The following ERBB4 variants were observed in gnomAD, a reference collection of about 807,000 sequenced individuals.
ERBB4 encodes the protein receptor tyrosine-protein kinase erbB-4.
Under a neutral mutation model 158.0 loss-of-function variants are expected in ERBB4, and 42 were observed. The observed-to-expected ratio is 0.27, with a 90% confidence interval of 0.21 to 0.34. The LOEUF is 0.34. ERBB4 is among the 10% of genes least tolerant of loss of function. The pLI is 1.00. For missense variants in ERBB4, 1,333 were observed against 1,624.1 expected, an observed-to-expected ratio of 0.82 and a Z score of 3.08; for synonymous variants, 583 against 558.7, an observed-to-expected ratio of 1.04 and a Z score of -0.61.
At chr2:212,096,866 C>T (rs2125506078) in intron 2 of ERBB4, among the ~76,000 whole-genome samples, 1 of 152,188 alleles carries the variant, frequency 6.6e-6, no homozygotes, top group Admixed American at 6.5e-5. Context: ...TATTCAAAAG[C>T]AATGTACCCT....
chr2:211,412,630 A>G lies in ERBB4; in HGVS notation c.3135+7811T>C, dbSNP rs1364487965. On this transcript the variant is annotated intron_variant, in intron 25 of 27. Transcript: ENST00000342788. ...ACCTAGCCTATGATAAACATTCAAT[A>G]TATTAATTCATTTACTCTTTCATTA... Among the ~76,000 whole-genome samples the G allele has an allele frequency of 2.6e-5, 4 of 152,242 alleles. No homozygotes were observed. The East Asian group carries it at 7.7e-4, about 29-fold the overall frequency.
chr2:211,577,501 A>G (rs1342483943), intron 19 of ERBB4, among the ~76,000 whole-genome samples: 1 of 152,136 alleles, frequency 6.6e-6, no homozygotes, highest in African/African-American at 2.4e-5. Flanking sequence ...TGGCAGAGAT[A>G]CAACAAAAAA....
chr2:212,170,623 G>A (rs1193090489), intron 1 of ERBB4, among the ~76,000 whole-genome samples: 8 of 152,142 alleles, frequency 5.3e-5, no homozygotes, highest in African/African-American at 1.7e-4. Flanking sequence ...TGCAGTTTTG[G>A]GACTTGGGTG....
chr2:212,465,128 T>C (rs1463405076), intron 1 of ERBB4, among the ~76,000 whole-genome samples: 2 of 152,128 alleles, frequency 1.3e-5, no homozygotes, highest in African/African-American at 4.8e-5. Context: ...GGCTAGGAAA[T>C]AAGATACCTT....
intron 12 of ERBB4, among the ~76,000 whole-genome samples, chr2:211,691,212 T>C (rs2072801926): frequency 6.6e-6 from 1 of 152,208 alleles, no homozygotes; most frequent in African/African-American, 2.4e-5. Context: ...ACTCTGTAAT[T>C]ACCCAGGTAG....
chr2:212,127,452 C>T (rs1394455997), intron 1 of ERBB4, among the ~76,000 whole-genome samples: 3 of 152,042 alleles, frequency 2.0e-5, no homozygotes, highest in East Asian at 1.9e-4. Flanking sequence ...ATTAGCCGGG[C>T]CTGGTGGCGG....
chr2:211,792,989 A>C (rs2076308935), intron 3 of ERBB4, among the ~76,000 whole-genome samples: 1 of 152,032 alleles, frequency 6.6e-6, no homozygotes, highest in South Asian at 2.1e-4. Context: ...ACTGAATAAT[A>C]GCTTTTTTTC....
chr2:212,011,283 G>A (rs879861554), intron 2 of ERBB4, among the ~76,000 whole-genome samples: 17 of 152,050 alleles, frequency 1.1e-4, no homozygotes, highest in South Asian at 4.2e-4. Flanking sequence ...TGGTCCCTCC[G>A]TTTGGGGGTC....
chr2:212,390,434 C>T (rs1157223022), intron 1 of ERBB4, among the ~76,000 whole-genome samples: 1 of 151,630 alleles, frequency 6.6e-6, no homozygotes, highest in African/African-American at 2.4e-5. Context: ...GGAATTTACA[C>T]ACATTAAAAA....
intron 1 of ERBB4, among the ~76,000 whole-genome samples, chr2:212,382,430 T>C (rs2090535834): frequency 6.6e-6 from 1 of 151,006 alleles, no homozygotes; most frequent in Admixed American, 6.6e-5. Context: ...AAAACAACTT[T>C]ATAATATGAC....
At chr2:211,861,016 TTATATATATATA>T (rs2078004733) in intron 3 of ERBB4, among the ~76,000 whole-genome samples, 1 of 13,780 alleles carries the variant, frequency 7.3e-5, no homozygotes, top group Non-Finnish European at 1.2e-4. Context: ...ATTTATATAT[TTATATATATATA>T]AATATAATAT....
intron 20 of ERBB4, among the ~76,000 whole-genome samples, chr2:211,484,819 G>A (rs1306397271): frequency 6.6e-6 from 1 of 152,162 alleles, no homozygotes; most frequent in Non-Finnish European, 1.5e-5. Context: ...AACCAGCACA[G>A]ATAAAGAACA....
chr2:211,392,543 A>G (rs1403193479), intron 25 of ERBB4, among the ~76,000 whole-genome samples: 9 of 146,698 alleles, frequency 6.1e-5, no homozygotes, highest in Non-Finnish European at 1.5e-5. Context: ...ACTTTTTTGA[A>G]AAAACTCTCT....
At chr2:211,486,155 T>G (rs1239143992) in intron 20 of ERBB4, among the ~76,000 whole-genome samples, 1 of 152,158 alleles carries the variant, frequency 6.6e-6, no homozygotes, top group African/African-American at 2.4e-5. Context: ...TACATCATCC[T>G]TCTTGGAACT....
chr2:212,336,914 G>T (rs1365532641), intron 1 of ERBB4, among the ~76,000 whole-genome samples: 1 of 152,108 alleles, frequency 6.6e-6, no homozygotes, highest in East Asian at 1.9e-4. Context: ...TAGTTCTGAG[G>T]TAGGTCCTGC....
chr2:212,234,398 T>A (rs1193696398), intron 1 of ERBB4, among the ~76,000 whole-genome samples: 1 of 152,186 alleles, frequency 6.6e-6, no homozygotes, highest in African/African-American at 2.4e-5. Flanking sequence ...GGCATTTGGG[T>A]TGGTTTCATG....
At chr2:211,655,768 C>T (rs1353667962) in intron 16 of ERBB4, among the ~76,000 whole-genome samples, 3 of 152,292 alleles carry the variant, frequency 2.0e-5, no homozygotes, top group South Asian at 4.1e-4. Flanking sequence ...AGGCCTTCGG[C>T]ACTCTCTCCC....
At position 212,024,009 on chromosome 2, in the gene ERBB4, C is replaced by G. The variant is rs529024134; in HGVS notation, c.235-76393G>C. On this transcript the variant is annotated intron_variant, in intron 2 of 27. Transcript: ENST00000342788. The stretch of plus-strand genomic sequence containing the variant: ...CTCACTCCCTTTAGAGTATAATGAG[C>G]TTCATTTGTCTTTTGTCCCCAAAAT... Among the ~76,000 whole-genome samples, 293 of 151,490 alleles carry G rather than the reference C, an allele frequency of 1.9e-3. 3 individuals carry two copies. Among genetic ancestry groups the G allele is most frequent in the Non-Finnish European group, 3.7e-3 (253 of 67,786 alleles).
At chr2:211,813,348 C>T (rs147158488) in intron 3 of ERBB4, among the ~76,000 whole-genome samples, 74 of 152,272 alleles carry the variant, frequency 4.9e-4, no homozygotes, top group African/African-American at 1.6e-3. Flanking sequence ...CCAGTTGCAA[C>T]GCTGTGTGGT....
Sources: allele counts gnomAD v4.1 joint callset (sites outside exome capture counted in the v4.1 genomes callset), GRCh38; gene constraint gnomAD v4.1.1; transcripts MANE v1.5; gene names NCBI Gene and HGNC (gene_info 2026-07-23, HGNC 2026-07-21).